SPAG17: variants seen among roughly 807,000 people sequenced by gnomAD.
The protein encoded by SPAG17 is sperm associated antigen 17.
SPAG17 carries 169 observed loss-of-function variants against 273.6 expected under a neutral mutation model. The ratio of observed to expected loss-of-function variants is 0.62; its 90% CI spans 0.55 to 0.70. SPAG17 has a LOEUF of 0.70. Ranked by LOEUF, SPAG17 falls within the 30% of genes least tolerant of loss-of-function variation. SPAG17 has a pLI of 0.00. For synonymous variants in SPAG17, 825 were observed against 873.2 expected, an observed-to-expected ratio of 0.94 and a Z score of 0.97; for missense variants, 2,557 against 2,627.8, an observed-to-expected ratio of 0.97 and a Z score of 0.59.
chr1:118,042,210 C>T (rs564510737), intron 20 of SPAG17, among the ~76,000 whole-genome samples, 168 bp from the exon 21 acceptor site: 1 of 152,168 alleles, frequency 6.6e-6, no homozygotes, highest in African/African-American at 2.4e-5. Flanking sequence ...CTTTCTCACT[C>T]AACTTCTGTC....
Position 118,086,655 on chromosome 1 carries a change from A to G in SPAG17, c.1611+16T>C. Reference sequence around the variant, plus strand: ...TCCCACATCGGTTTTCCTTGGGCTAACCTGATTATTATTACCTGTAGTGCG... The same window carrying G: ...TCCCACATCGGTTTTCCTTGGGCTAGCCTGATTATTATTACCTGTAGTGCG... On this transcript the variant is annotated intron_variant, in intron 12 of 48. Transcript: ENST00000336338. 6.2e-7 allele frequency: 1 copy of G among 1,610,658 alleles called. No individual in the cohort carries two copies. The highest frequency in any genetic ancestry group is 8.5e-7 in the Non-Finnish European group (1 of 1,176,952).
chr1:118,076,190 A>C (rs1378951782), intron 15 of SPAG17: 1 of 152,124 alleles, frequency 6.6e-6, no homozygotes, highest in Non-Finnish European at 1.5e-5. Flanking sequence ...AACCTACAAC[A>C]AAGCCTTATT....
intron 3 of SPAG17, 124 bp from the exon 4 acceptor site, chr1:118,115,565 G>A (rs993103157): frequency 9.9e-7 from 1 of 1,011,916 alleles, no homozygotes; most frequent in Non-Finnish European, 1.4e-6. Flanking sequence ...CTTCATTGCT[G>A]GCTGAAAAAA....
intron 20 of SPAG17, among the ~76,000 whole-genome samples, chr1:118,053,438 C>T (rs142451793): frequency 3.4e-4 from 51 of 151,986 alleles, no homozygotes; most frequent in African/African-American, 1.2e-3. Context: ...TGAAACAGAA[C>T]ACAACATTCA....
chr1:118,182,353 C>G (rs577734315), intron 1 of SPAG17, among the ~76,000 whole-genome samples: 2 of 152,158 alleles, frequency 1.3e-5, no homozygotes, highest in South Asian at 4.2e-4. Context: ...ACACTTCTTC[C>G]TATCACTGTG....
chr1:117,986,579 T>C (rs1571153405), intron 40 of SPAG17, among the ~76,000 whole-genome samples: 1 of 152,200 alleles, frequency 6.6e-6, no homozygotes, highest in African/African-American at 2.4e-5. Flanking sequence ...AAAGTTTGTA[T>C]AGATAATACA....
At position 118,063,306 on chromosome 1, in the gene SPAG17, G is replaced by A. The variant is rs146897217; in HGVS notation, c.2540+3439C>T. Among the ~76,000 whole-genome samples the A allele has an allele frequency of 2.4e-3, 369 of 152,260 alleles. 1 individual carries two copies. The highest frequency in any genetic ancestry group is 7.8e-3 in the African/African-American group (324 of 41,554). ...ATCTTCAGCCAAAAGAACATAGCTG[G>A]AGACATCACGCTACCTGACTTCAAA... is the stretch of plus-strand genomic sequence containing the variant. On this transcript the variant is annotated intron_variant, in intron 18 of 48. Transcript: ENST00000336338.
At chr1:118,047,241 T>G (rs938967081) in intron 20 of SPAG17, among the ~76,000 whole-genome samples, 5 of 152,214 alleles carry the variant, frequency 3.3e-5, no homozygotes, top group Non-Finnish European at 7.3e-5. Context: ...GATGGTGGAA[T>G]AGGACTTTCC....
intron 3 of SPAG17, among the ~76,000 whole-genome samples, chr1:118,125,245 A>ATATATATTT (rs146004766): frequency 8.0e-5 from 12 of 150,750 alleles, no homozygotes; most frequent in African/African-American, 2.9e-4. Flanking sequence ...ATATATATAT[A>ATATATATTT]TTTTTGACAT....
intron 40 of SPAG17, among the ~76,000 whole-genome samples, chr1:117,987,156 G>T (rs530024527): frequency 2.6e-4 from 39 of 152,172 alleles, no homozygotes; most frequent in Non-Finnish European, 4.9e-4. Context: ...TCCTTATAAA[G>T]ACTGTCATGT....
chr1:117,969,160 A>G (rs961342796), intron 46 of SPAG17, among the ~76,000 whole-genome samples: 1 of 150,804 alleles, frequency 6.6e-6, no homozygotes, highest in Admixed American at 6.6e-5. Flanking sequence ...TGCTATTAAT[A>G]TGCATTTTTT....
At chr1:118,162,818 G>A (rs893006143) in intron 1 of SPAG17, among the ~76,000 whole-genome samples, 1 of 151,766 alleles carries the variant, frequency 6.6e-6, no homozygotes, top group African/African-American at 2.4e-5. Context: ...TACAGATTTA[G>A]TTCATTTATT....
intron 3 of SPAG17, among the ~76,000 whole-genome samples, chr1:118,150,109 C>T (rs1403472108): frequency 6.6e-6 from 1 of 152,102 alleles, no homozygotes; most frequent in Non-Finnish European, 1.5e-5. Flanking sequence ...TGCAGCTGTA[C>T]CTCTGTCTTA....
At chr1:118,062,384 A>AATAAAAAAAT (rs1652424370) in intron 18 of SPAG17, among the ~76,000 whole-genome samples, 3 of 149,198 alleles carry the variant, frequency 2.0e-5, no homozygotes, top group African/African-American at 7.4e-5. Context: ...AAAAAAAAAA[A>AATAAAAAAAT]AAATTAAAGA....
chr1:118,184,956 C>G, intron 1 of SPAG17, 115 bp downstream of exon 1: 1 of 874,048 alleles, frequency 1.1e-6, no homozygotes, highest in Non-Finnish European at 1.8e-6. Flanking sequence ...CTGGAACCAT[C>G]AGGCCACGGA....
intron 15 of SPAG17, among the ~76,000 whole-genome samples, chr1:118,077,077 A>G (rs1654161019): frequency 1.3e-5 from 2 of 152,186 alleles, no homozygotes. Context: ...GTCCAGGAAA[A>G]GGCTTTTATA....
At chr1:118,106,212 CTAT>C (rs1009611174) in intron 4 of SPAG17, among the ~76,000 whole-genome samples, 3 of 152,172 alleles carry the variant, frequency 2.0e-5, no homozygotes, top group Admixed American at 6.5e-5. Context: ...GTCATTGTCA[CTAT>C]TATTATCATC....
chr1:118,015,833 T>TCCAC, intron 29 of SPAG17, 132 bp downstream of exon 29: 1 of 785,122 alleles, frequency 1.3e-6, no homozygotes, highest in South Asian at 1.9e-5. Context: ...CATCCATCCA[T>TCCAC]CCACCCATCC....
chr1:118,093,300 A>G lies in SPAG17; in HGVS notation c.1029T>C (p.Asp343=), dbSNP rs1446463351. 5.0e-6 allele frequency: 8 copies of G among 1,609,642 alleles called. No individual in the cohort carries two copies. Among genetic ancestry groups the G allele is most frequent in the Non-Finnish European group, 5.1e-6 (6 of 1,177,722 alleles). ...DGEMMLKLGT[D]IFENIACLMY... ...TCAAGCAGGCAATATTTTCAAAAAT[A>G]TCAGTGCCCAATTTCAGCTACAAGT... The change falls in exon 8 of 49, where the codon GAT becomes GAC. Residue 343 remains aspartate, a synonymous_variant. Transcript: ENST00000336338.
Sources: allele counts gnomAD v4.1 joint callset (sites outside exome capture counted in the v4.1 genomes callset), GRCh38; gene constraint gnomAD v4.1.1; transcripts MANE v1.5; gene names NCBI Gene and HGNC (gene_info 2026-07-23, HGNC 2026-07-21).